FREM2: variants seen among roughly 807,000 people sequenced by gnomAD.
FREM2 encodes FRAS1 related extracellular matrix 2, also known as FRAS1-related extracellular matrix protein 2.
In FREM2, 119 loss-of-function variants were observed where a neutral mutation model predicts 219.9. The observed-to-expected ratio is 0.54, with a 90% CI of 0.47 to 0.63. The LOEUF (loss-of-function observed/expected upper bound fraction) is 0.63. Ranked by LOEUF, FREM2 falls within the 30% of genes least tolerant of loss-of-function variation. The pLI is 0.00. For synonymous variants in FREM2, 1,562 were observed against 1,522.8 expected (o/e 1.03, Z -0.60); for missense variants, 4,030 against 3,993.6 (o/e 1.01, Z -0.25).
At chr13:38,753,088 C>T (rs1487785876) in intron 2 of FREM2, among the ~76,000 whole-genome samples, 1 of 152,166 alleles carries the variant, frequency 6.6e-6, no homozygotes, top group African/African-American at 2.4e-5. Flanking sequence ...TTCTCTTCCC[C>T]AGAGGGAGAA....
chr13:38,770,214 T>C (rs1265809781), intron 4 of FREM2, among the ~76,000 whole-genome samples: 1 of 148,658 alleles, frequency 6.7e-6, no homozygotes, highest in African/African-American at 2.4e-5. Context: ...ATTGAATATA[T>C]ATACACATAT....
chr13:38,758,654 C>T (rs984768390), intron 2 of FREM2, among the ~76,000 whole-genome samples: 12 of 152,222 alleles, frequency 7.9e-5, no homozygotes, highest in African/African-American at 2.7e-4. Context: ...CAGGATTCCA[C>T]AAGCTCGAGG....
At chr13:38,738,732 A>G (rs1343658969) in intron 2 of FREM2, among the ~76,000 whole-genome samples, 2 of 152,120 alleles carry the variant, frequency 1.3e-5, no homozygotes, top group African/African-American at 4.8e-5. Flanking sequence ...TCAGATGCAG[A>G]GTATGAGACC....
At chr13:38,796,384 G>A (rs2137844658) in intron 6 of FREM2, among the ~76,000 whole-genome samples, 1 of 152,280 alleles carries the variant, frequency 6.6e-6, no homozygotes, top group East Asian at 1.9e-4. Flanking sequence ...TCAGATGGTA[G>A]GGGAAAGTAA....
At chr13:38,765,171 A>C (rs1398997932) in intron 3 of FREM2, among the ~76,000 whole-genome samples, 3 of 152,120 alleles carry the variant, frequency 2.0e-5, no homozygotes, top group African/African-American at 7.2e-5. Flanking sequence ...CGGCCTCCCA[A>C]AGTGCTGGGA....
chr13:38,872,313 A>G (rs925734539), intron 16 of FREM2, among the ~76,000 whole-genome samples: 10 of 152,232 alleles, frequency 6.6e-5, no homozygotes, highest in East Asian at 1.9e-4. Flanking sequence ...GTGACTGCTA[A>G]TAAGTACAGG....
intron 6 of FREM2, among the ~76,000 whole-genome samples, chr13:38,795,581 G>A (rs1273104043): frequency 2.6e-5 from 4 of 152,056 alleles, no homozygotes; most frequent in Non-Finnish European, 5.9e-5. Context: ...TCATTTCTAT[G>A]TGTTGGTAAC....
In FREM2 at chr13:38,873,988, G is replaced by A. The variant is rs549843140; in HGVS notation, c.8177-494G>A. 4.5e-4 allele frequency among the ~76,000 whole-genome samples: 69 copies of A among 152,228 alleles called. 2 individuals carry two copies. The highest frequency in any genetic ancestry group is 1.0e-3 in the South Asian group (5 of 4,824). On this transcript the variant is annotated intron_variant, in intron 17 of 23. Transcript: ENST00000280481. The stretch of plus-strand genomic sequence containing the variant: ...TAATCTTAATGAGGATTTTTCTGTG[G>A]TTCCCAACCTCCACATAGGATCTCT...
In FREM2 at chr13:38,715,966, C is replaced by T. The variant is rs921532969; in HGVS notation, c.5263+18179C>T. Among the ~76,000 whole-genome samples, 4 of 152,044 alleles carry T rather than the reference C, an allele frequency of 2.6e-5. No homozygotes were observed. In the South Asian group the frequency reaches 8.3e-4, roughly 32 times the overall value. On this transcript the variant is annotated intron_variant, in intron 2 of 23. Transcript: ENST00000280481. ...ATAAGTTATTTCTTGAAATAATTTG[C>T]ACTTAGAATTTTTTGAGTTCCAAAG... is the stretch of plus-strand genomic sequence containing the variant.
At chr13:38,709,187 G>A (rs1300726229) in intron 2 of FREM2, among the ~76,000 whole-genome samples, 1 of 152,050 alleles carries the variant, frequency 6.6e-6, no homozygotes, top group Non-Finnish European at 1.5e-5. Flanking sequence ...ATGCACACTC[G>A]CCTTTCCTTT....
Position 38,690,759 on chromosome 13 carries a change from A to T in FREM2, c.3415A>T (p.Lys1139Ter). 6.2e-7 allele frequency: 1 copy of T among 1,614,176 alleles called. No individual in the cohort carries two copies. The highest frequency in any genetic ancestry group is 1.3e-5 in the African/African-American group (1 of 75,066). The change falls in exon 1 of 24, where the codon AAA becomes TAA. Residue 1139 changes from lysine (K) to a stop codon, truncating the protein, a stop_gained. Transcript: ENST00000280481. LOFTEE classifies it high-confidence loss of function. ...GATTGCCATAAGTGCTTTCAACTTG[A>T]AAGATCTCAGGCAGGGCCACATAAA... ...AGIAISAFNL[K>*]DLRQGHINYV...
rs1360094114 is a variant in FREM2, at chr13:38,836,716, TC to T, written c.6020-9856del. ...GAATTTATCAATTTCTCCTAGATTT[TC>T]TAGTTTATTTATGTAGAGGTGTTTA... On this transcript the variant is annotated intron_variant, in intron 6 of 23. Transcript: ENST00000280481. 2.0e-5 allele frequency among the ~76,000 whole-genome samples: 3 copies of T among 152,258 alleles called. No individual in the cohort carries two copies. The East Asian group carries it at 5.8e-4, about 29-fold the overall frequency.
intron 13 of FREM2, 81 bp from the exon 14 acceptor site, chr13:38,859,206 A>G (rs978923863): frequency 3.2e-5 from 45 of 1,410,516 alleles, no homozygotes; most frequent in Non-Finnish European, 3.9e-5. Context: ...AGCAGTGAAA[A>G]CTCGATGGCA....
chr13:38,877,340 T>A, intron 21 of FREM2, 97 bp downstream of exon 21: 2 of 1,329,692 alleles, frequency 1.5e-6, no homozygotes, highest in South Asian at 2.4e-5. Flanking sequence ...AATTATAGCT[T>A]TTTTTATGGT....
chr13:38,715,830 A>G (rs1870975232), intron 2 of FREM2, among the ~76,000 whole-genome samples: 1 of 152,064 alleles, frequency 6.6e-6, no homozygotes, highest in Non-Finnish European at 1.5e-5. Flanking sequence ...TAGTCCATGT[A>G]TGAATAAGAA....
At chr13:38,768,190 A>G (rs1873516440) in intron 3 of FREM2, among the ~76,000 whole-genome samples, 4 of 152,260 alleles carry the variant, frequency 2.6e-5, no homozygotes. Context: ...ATTTTTAACT[A>G]AATGCAAAAT....
chr13:38,847,388 C>G (rs75370537), intron 7 of FREM2, among the ~76,000 whole-genome samples: 2,560 of 152,230 alleles, frequency 0.017, 88 homozygotes, highest in African/African-American at 0.058. Flanking sequence ...ATGCATTCAT[C>G]ACACAAAGCA....
chr13:38,780,478 G>T (rs1170454098), intron 4 of FREM2, among the ~76,000 whole-genome samples: 1 of 152,080 alleles, frequency 6.6e-6, no homozygotes, highest in Non-Finnish European at 1.5e-5. Flanking sequence ...TCCTGATCAG[G>T]CTCTTTACTT....
At chr13:38,721,579 CT>C (rs1871260766) in intron 2 of FREM2, among the ~76,000 whole-genome samples, 1 of 152,114 alleles carries the variant, frequency 6.6e-6, no homozygotes, top group Non-Finnish European at 1.5e-5. Context: ...CAGTGATCCC[CT>C]GTTGATACTG....
Sources: allele counts gnomAD v4.1 joint callset (sites outside exome capture counted in the v4.1 genomes callset), GRCh38; gene constraint gnomAD v4.1.1; transcripts MANE v1.5; gene names NCBI Gene and HGNC (gene_info 2026-07-23, HGNC 2026-07-21).